DUSP29: variants seen among roughly 807,000 people sequenced by gnomAD.
DUSP29 encodes dual specificity phosphatase 29, also known as atypical dual-specific protein phosphatase.
A neutral mutation model predicts 13.5 loss-of-function variants in DUSP29; 12 were observed. The ratio of observed to expected loss-of-function variants is 0.89; its 90% CI spans 0.57 to 1.44. The LOEUF is 1.44. DUSP29 is among the 40% of genes most tolerant of loss of function. The pLI, the probability that DUSP29 is intolerant of heterozygous loss-of-function variation, is 0.00. For synonymous variants in DUSP29, 134 were observed against 128.7 expected (o/e 1.04, Z -0.28); for missense variants, 308 against 301.1 (o/e 1.02, Z -0.17).
At chr10:75,060,831 C>T (rs1402640780) in intron 1 of DUSP29, among the ~76,000 whole-genome samples, 4 of 152,276 alleles carry the variant, frequency 2.6e-5, no homozygotes, top group East Asian at 1.9e-4. Context: ...ATCTATCAGC[C>T]GACTTGCTGG....
At chr10:75,062,502 G>A (rs11001271) in intron 1 of DUSP29, among the ~76,000 whole-genome samples, 51,877 of 152,044 alleles carry the variant, frequency 0.34, 9,747 homozygotes, top group East Asian at 0.73. Context: ...TCCAGACAAA[G>A]GAGGAAGTGG....
chr10:75,069,425 G>A (rs1391262461), intron 1 of DUSP29, among the ~76,000 whole-genome samples: 2 of 145,472 alleles, frequency 1.4e-5, no homozygotes, highest in Non-Finnish European at 3.1e-5. Flanking sequence ...CACCACAGGC[G>A]GTTTCACAGG....
intron 1 of DUSP29, among the ~76,000 whole-genome samples, chr10:75,064,488 C>T (rs2134303719): frequency 6.6e-6 from 1 of 152,222 alleles, no homozygotes; most frequent in South Asian, 2.1e-4. Context: ...AGCCTAGTGA[C>T]AGAGCGAGAC....
intron 3 of DUSP29, 64 bp from the exon 4 acceptor site, chr10:75,038,141 G>T: frequency 1.3e-6 from 2 of 1,557,418 alleles, no homozygotes; most frequent in South Asian, 1.2e-5. Flanking sequence ...CACAGGTAGG[G>T]CCCACTCCCA....
At chr10:75,042,573 C>T (rs969708730) in intron 3 of DUSP29, among the ~76,000 whole-genome samples, 1 of 152,228 alleles carries the variant, frequency 6.6e-6, no homozygotes, top group Admixed American at 6.5e-5. Context: ...CTAATACAGG[C>T]ATGTTAGCTC....
At chr10:75,061,764 G>T (rs562577790) in intron 1 of DUSP29, among the ~76,000 whole-genome samples, 258 of 152,318 alleles carry the variant, frequency 1.7e-3, no homozygotes, top group African/African-American at 5.8e-3. Context: ...CCTGAGTGTG[G>T]CTTCTCTCTG....
intron 2 of DUSP29, among the ~76,000 whole-genome samples, chr10:75,048,833 C>T (rs550091643): frequency 2.6e-4 from 40 of 152,298 alleles, no homozygotes; most frequent in Admixed American, 2.3e-3. Context: ...GGGTGAAGCT[C>T]CTCCGTGTTG....
Position 75,044,023 on chromosome 10 carries a change from C to A in DUSP29, c.201-6G>T, listed in dbSNP as rs1846650232. The stretch of plus-strand genomic sequence containing the variant: ...AGCGGTCCAGCGCCGTCGCCCTGGG[C>A]GCAGGGGAGAGAAATCTGTGGGCGC... On this transcript the variant is annotated splice_region_variant and splice_polypyrimidine_tract_variant and intron_variant, in intron 2 of 3. Coordinates refer to ENST00000338487, the MANE Select transcript of DUSP29 (RefSeq NM_001003892.3). The A allele has an allele frequency of 1.2e-6, 2 of 1,604,272 alleles. No individual in the cohort carries two copies. The highest frequency in any genetic ancestry group is 2.7e-5 in the African/African-American group (2 of 74,822).
At chr10:75,056,717 T>C (rs934717440) in intron 2 of DUSP29, among the ~76,000 whole-genome samples, 1 of 152,096 alleles carries the variant, frequency 6.6e-6, no homozygotes, top group African/African-American at 2.4e-5. Flanking sequence ...TTTCCTTATG[T>C]TGGCAATAGC....
intron 1 of DUSP29, among the ~76,000 whole-genome samples, chr10:75,067,899 G>A (rs963150197): frequency 2.3e-4 from 35 of 152,086 alleles, no homozygotes; most frequent in Admixed American, 1.2e-3. Context: ...TGCAACCTCC[G>A]CCTCCCAGAT....
chr10:75,063,812 C>T (rs1001518048), intron 1 of DUSP29, among the ~76,000 whole-genome samples: 7 of 152,030 alleles, frequency 4.6e-5, no homozygotes, highest in African/African-American at 1.2e-4. Flanking sequence ...GTGAAAGACA[C>T]GGTATACATA....
At chr10:75,050,683 G>A (rs987980679) in intron 2 of DUSP29, among the ~76,000 whole-genome samples, 7 of 152,208 alleles carry the variant, frequency 4.6e-5, no homozygotes, top group Non-Finnish European at 8.8e-5. Context: ...TGAGCCCTCC[G>A]CTCCACGCTG....
chr10:75,041,459 G>A (rs1846581839), intron 3 of DUSP29, among the ~76,000 whole-genome samples: 1 of 152,196 alleles, frequency 6.6e-6, no homozygotes, highest in South Asian at 2.1e-4. Context: ...CATTAGCTGA[G>A]GCTGGGTGGC....
intron 2 of DUSP29, among the ~76,000 whole-genome samples, chr10:75,047,863 C>T (rs1846738115): frequency 6.6e-6 from 1 of 152,172 alleles, no homozygotes; most frequent in Non-Finnish European, 1.5e-5. Context: ...GTAAGAACCT[C>T]CCATTGTTTC....
intron 3 of DUSP29, among the ~76,000 whole-genome samples, chr10:75,038,908 T>C (rs887021873): frequency 6.6e-6 from 1 of 152,062 alleles, no homozygotes; most frequent in Non-Finnish European, 1.5e-5. Flanking sequence ...CACTTGAGGT[T>C]GGGAGTTCAA....
rs367582770 is a variant in DUSP29 at position 75,041,700 on chromosome 10, C to A, written c.421+2097G>T. Among the ~76,000 whole-genome samples the A allele has an allele frequency of 3.0e-4, 46 of 152,298 alleles. 1 individual carries two copies. In the South Asian group the frequency reaches 8.9e-3, roughly 30 times the overall value. Reference sequence around the variant, plus strand: ...GTCATGTCCTGCTCCCCATCCCTAGCCATCTGGTCGAGTCCCGGCACCCCC... The same window carrying A: ...GTCATGTCCTGCTCCCCATCCCTAGACATCTGGTCGAGTCCCGGCACCCCC... On this transcript the variant is annotated intron_variant, in intron 3 of 3. Coordinates refer to ENST00000338487, the MANE Select transcript of DUSP29 (RefSeq NM_001003892.3).
At position 75,070,990 on chromosome 10, in the gene DUSP29, G is replaced by A. The variant is rs181545514; in HGVS notation, c.-35+2579C>T. Among the ~76,000 whole-genome samples the A allele has an allele frequency of 7.9e-5, 12 of 152,320 alleles. No individual in the cohort carries two copies. In the South Asian group the frequency reaches 1.4e-3, roughly 18 times the overall value. ...AACCTGGAGTGGCTGTTTCCAGGCC[G>A]GGCCTCCCTGAGACAGGGGCCCTGG... On this transcript the variant is annotated intron_variant, in intron 1 of 3. Transcript: ENST00000338487.
chr10:75,045,614 G>A (rs949315688), intron 2 of DUSP29, among the ~76,000 whole-genome samples: 2 of 152,156 alleles, frequency 1.3e-5, no homozygotes, highest in African/African-American at 2.4e-5. Context: ...GAGAGAAAGC[G>A]TTTCATCCAG....
At chr10:75,046,794 G>A (rs1008041040) in intron 2 of DUSP29, among the ~76,000 whole-genome samples, 8 of 152,310 alleles carry the variant, frequency 5.3e-5, no homozygotes, top group African/African-American at 7.2e-5. Context: ...CTTTGGGGAC[G>A]TAGATCTGCG....
Sources: allele counts gnomAD v4.1 joint callset (sites outside exome capture counted in the v4.1 genomes callset), GRCh38; gene constraint gnomAD v4.1.1; transcripts MANE v1.5; gene names NCBI Gene and HGNC (gene_info 2026-07-23, HGNC 2026-07-21).